PHKA2: variants seen among roughly 807,000 people sequenced by gnomAD.
PHKA2 encodes the protein phosphorylase kinase regulatory subunit alpha 2, also known as phosphorylase b kinase regulatory subunit alpha, liver isoform.
PHKA2 carries 31 observed loss-of-function variants against 102.0 expected under a neutral mutation model. The ratio of observed to expected loss-of-function variants is 0.30; its 90% confidence interval spans 0.23 to 0.41. The LOEUF (loss-of-function observed/expected upper bound fraction) is 0.41. Among genes scored for constraint, PHKA2 ranks in the 10% least tolerant of loss-of-function variants. The pLI, the probability that PHKA2 is intolerant of heterozygous loss-of-function variation, is 1.00. For missense variants in PHKA2, 858 were observed against 1,023.1 expected (o/e 0.84, Z 2.20); for synonymous variants, 455 against 416.2 (o/e 1.09, Z -1.13).
chrX:18,963,033 G>A (rs7882408), intron 1 of PHKA2, among the ~76,000 whole-genome samples: 6,883 of 112,497 alleles, frequency 0.061, 505 homozygotes, highest in African/African-American at 0.21. Flanking sequence ...TCCCTTTACT[G>A]AACTCTTCCG....
chrX:18,906,810 G>A lies in PHKA2; in HGVS notation c.2602C>T (p.Leu868Phe), dbSNP rs1281186251. The A allele has an allele frequency of 4.1e-6, 5 of 1,208,131 alleles. No homozygotes were observed. The South Asian group carries it at 8.8e-5, about 21-fold the overall frequency. Residue 868 changes from leucine to phenylalanine, a missense_variant, in exon 24 of 33, where the codon CTT (leucine) becomes TTT (phenylalanine). By Grantham distance (22) the Leu-to-Phe change is conservative. Coordinates refer to ENST00000379942, the MANE Select transcript of PHKA2 (RefSeq NM_000292.3). ...AGTTTTGTGAGCTCCTCTGGGGGAA[G>A]GGGCCTAGAAAGGAGCATTGTGTCA... Reference protein sequence around the residue: ...EPREKIISAPLPPEELTKLIY... With the variant: ...EPREKIISAPFPPEELTKLIY...
At chrX:18,961,972 T>C (rs1416873583) in intron 1 of PHKA2, among the ~76,000 whole-genome samples, 1 of 110,231 alleles carries the variant, frequency 9.1e-6, no homozygotes, top group Non-Finnish European at 1.9e-5. Context: ...TCAGTGGGAG[T>C]CAGGGTGCAG....
chrX:18,901,404 C>T (rs1012635165), intron 27 of PHKA2, 81 bp downstream of exon 27: 3 of 622,205 alleles, frequency 4.8e-6, no homozygotes, highest in South Asian at 2.2e-5. Context: ...AGCCTCATGC[C>T]CTAGGTTTCT....
intron 19 of PHKA2, among the ~76,000 whole-genome samples, chrX:18,917,455 C>T (rs1210125402): frequency 1.8e-5 from 2 of 109,310 alleles, no homozygotes; most frequent in Admixed American, 2.0e-4. Flanking sequence ...GACAGCGTTT[C>T]ACCATGTTGG....
intron 30 of PHKA2, 119 bp downstream of exon 30, chrX:18,897,044 C>T (rs1009173036): frequency 1.3e-4 from 107 of 845,362 alleles, no homozygotes; most frequent in Admixed American, 8.8e-4. Context: ...GTGCCAACAG[C>T]GCTGAGGCAG....
At chrX:18,929,887 T>C (rs1023367150) in intron 12 of PHKA2, among the ~76,000 whole-genome samples, 2 of 111,942 alleles carry the variant, frequency 1.8e-5, no homozygotes, top group African/African-American at 3.2e-5. Flanking sequence ...AAACTGGCCA[T>C]AAAAAATTCC....
At chrX:18,896,592 T>G in intron 30 of PHKA2, 1 of 136,508 alleles carries the variant, frequency 7.3e-6, no homozygotes, top group Non-Finnish European at 1.5e-5. Flanking sequence ...CCTGGGAGGG[T>G]GGGGCTCAGT....
At chrX:18,957,738 T>TTATATATATATATATATATATGTATATA (rs2048804245) in intron 1 of PHKA2, among the ~76,000 whole-genome samples, 1 of 95,182 alleles carries the variant, frequency 1.1e-5, no homozygotes, top group African/African-American at 4.4e-5. Flanking sequence ...TAAAACCAGA[T>TTATATATATATATATATATATGTATATA]TATATATATA....
Position 18,929,325 on chromosome X carries a change from TAA to T in PHKA2, c.1246-21_1246-20del, listed in dbSNP as rs747778341. 1 of 1,031,045 alleles carries T rather than the reference TAA, an allele frequency of 9.7e-7. No individual in the cohort carries two copies. Among genetic ancestry groups the T allele is most frequent in the East Asian group, 3.3e-5 (1 of 30,626 alleles). The allele number at this position is 1,031,045 out of a possible 1,213,427, so 85.0% of individuals were successfully genotyped here. A position where few individuals can be genotyped will look rare whatever the true frequency, so the allele number is the denominator to read the frequency against. Reference sequence around the variant, plus strand: ...GGAATCCCTATGAAAAGAGGAGCATTAACACTATGAAATATTGATTAACTAAA... The same window carrying T: ...GGAATCCCTATGAAAAGAGGAGCATTCACTATGAAATATTGATTAACTAAA... On this transcript the variant is annotated intron_variant, in intron 12 of 32. Transcript: ENST00000379942.
chrX:18,908,702 C>T (rs1186942663), intron 21 of PHKA2, 99 bp downstream of exon 21: 2 of 790,428 alleles, frequency 2.5e-6, no homozygotes, highest in East Asian at 3.2e-5. Context: ...GTTTCAACTT[C>T]CCAGCCTCCG....
chrX:18,968,195 C>A (rs754606056), intron 1 of PHKA2, among the ~76,000 whole-genome samples: 365 of 111,303 alleles, frequency 3.3e-3, no homozygotes, highest in Middle Eastern at 9.2e-3. Flanking sequence ...GAGTTTGAGA[C>A]CAGCCTTGGC....
intron 19 of PHKA2, among the ~76,000 whole-genome samples, chrX:18,916,566 TGAATGGCTTGGGCCATCCCCTTGGTGA>T (rs1301081975): frequency 1.8e-5 from 2 of 112,331 alleles, no homozygotes; most frequent in African/African-American, 6.5e-5. Flanking sequence ...GGGTCCCTCA[TGAATGGCTTGGGCCATCCCCTTGGTGA>T]TAAGTGAGCT....
At chrX:18,916,104 T>A (rs1389992997) in intron 19 of PHKA2, among the ~76,000 whole-genome samples, 3 of 111,859 alleles carry the variant, frequency 2.7e-5, no homozygotes, top group African/African-American at 6.5e-5. Context: ...GAAAAACAGC[T>A]CATATTTGAA....
rs748243465 is a variant in PHKA2, at chrX:18,897,122, G to A, written c.3282+41C>T. 7.5e-6 allele frequency: 9 copies of A among 1,196,386 alleles called. No homozygotes were observed. The East Asian group carries it at 2.4e-4, about 32-fold the overall frequency. On this transcript the variant is annotated intron_variant, in intron 30 of 32. Coordinates refer to ENST00000379942, the MANE Select transcript of PHKA2 (RefSeq NM_000292.3). The stretch of plus-strand genomic sequence containing the variant: ...CCACCATGCCTTGCCAGGACAGTAA[G>A]GGGACGGTTCACTTCCCCAGGAGCT...
intron 19 of PHKA2, among the ~76,000 whole-genome samples, chrX:18,912,420 G>A (rs1263316644): frequency 9.0e-6 from 1 of 111,344 alleles, no homozygotes; most frequent in Admixed American, 9.6e-5. Flanking sequence ...AATACTGTAG[G>A]TAACTGTAAC....
intron 17 of PHKA2, among the ~76,000 whole-genome samples, chrX:18,920,798 G>A (rs1217762595): frequency 8.9e-6 from 1 of 111,989 alleles, no homozygotes; most frequent in African/African-American, 3.3e-5. Context: ...TGGCAGCCTG[G>A]GGCCTGAGGT....
rs749838510 is a variant in PHKA2 at position 18,909,504 on chromosome X, G to T, written c.2227-570C>A. ...GGTACACTCCTAGGGCGTGAAAATA[G>T]CCCATATCACCAGAGCCCAGGAACT... On this transcript the variant is annotated intron_variant, in intron 20 of 32. Transcript: ENST00000379942. 1.1e-4 allele frequency among the ~76,000 whole-genome samples: 12 copies of T among 112,091 alleles called. No individual in the cohort carries two copies. The South Asian group carries it at 4.5e-3, about 42-fold the overall frequency.
intron 11 of PHKA2, among the ~76,000 whole-genome samples, chrX:18,933,607 G>A (rs1413315000): frequency 1.8e-5 from 2 of 112,509 alleles, no homozygotes; most frequent in African/African-American, 6.5e-5. Context: ...CTACCCTGAT[G>A]AGGCCTTTTA....
chrX:18,939,933 C>T (rs2048463416), intron 9 of PHKA2, 62 bp downstream of exon 9: 1 of 774,349 alleles, frequency 1.3e-6, no homozygotes, highest in Non-Finnish European at 2.0e-6. Flanking sequence ...GGGAGAACAA[C>T]ACATTGGCAA....
Sources: allele counts gnomAD v4.1 joint callset (sites outside exome capture counted in the v4.1 genomes callset), GRCh38; gene constraint gnomAD v4.1.1; transcripts MANE v1.5; gene names NCBI Gene and HGNC (gene_info 2026-07-23, HGNC 2026-07-21).